The following GAS7 variants were observed in gnomAD, a reference collection of about 807,000 sequenced individuals.
GAS7 encodes growth arrest specific 7, also known as growth arrest-specific protein 7.
In GAS7, 28 loss-of-function variants were observed where a neutral mutation model predicts 71.1. That is an observed-to-expected ratio of 0.39 (90% CI 0.29 to 0.54). The LOEUF is 0.54. Among genes scored for constraint, GAS7 ranks in the 20% least tolerant of loss-of-function variants. GAS7 has a pLI of 0.62. For synonymous variants in GAS7, 258 were observed against 245.8 expected, an observed-to-expected ratio of 1.05 and a Z score of -0.46; for missense variants, 436 against 627.8, an observed-to-expected ratio of 0.69 and a Z score of 3.27.
intron 1 of GAS7, among the ~76,000 whole-genome samples, chr17:10,097,549 A>G (rs2152259361): frequency 6.6e-6 from 1 of 152,326 alleles, no homozygotes; most frequent in South Asian, 2.1e-4. Flanking sequence ...GCAGGGCACA[A>G]GCACAAAGCC....
intron 2 of GAS7, among the ~76,000 whole-genome samples, chr17:9,982,853 GAAAGAAAGAAAGAAAGC>G (rs2070476773): frequency 1.3e-5 from 2 of 150,022 alleles, no homozygotes; most frequent in Non-Finnish European, 3.0e-5. Context: ...AAGAAAGAAA[GAAAGAAAGAAAGAAAGC>G]AAAGAAAGCA....
rs564932578 is a variant in GAS7 at position 10,005,328 on chromosome 17, TAC to T, written c.304+14447_304+14448del. ...ACATATATACACACACATATATATA[TAC>T]ACACACACACACACACATATATATA... is the stretch of plus-strand genomic sequence containing the variant. On this transcript the variant is annotated intron_variant, in intron 2 of 13. Transcript: ENST00000432992. 2.9e-4 allele frequency among the ~76,000 whole-genome samples: 44 copies of T among 149,272 alleles called. 1 individual carries two copies. Among genetic ancestry groups the T allele is most frequent in the Admixed American group, 9.3e-4 (14 of 14,996 alleles).
At position 10,026,038 on chromosome 17, in the gene GAS7, TC is replaced by T. The variant is rs138827190; in HGVS notation, c.184-6142del. 0.14 allele frequency: 42,482 copies of T among 306,250 alleles called. 3,096 individuals carry two copies. The highest frequency in any genetic ancestry group is 0.2 in the African/African-American group (8,801 of 44,340). The allele number at this position is 306,250 out of a possible 1,614,324, so 19.0% of individuals were successfully genotyped here. A position where few individuals can be genotyped will look rare whatever the true frequency, so the allele number is the denominator to read the frequency against. ...CTCCAGGCAGTACAGACCCTGCTAC[TC>T]CGCTCCCTACCGCTCCCACCATGCT... On this transcript the variant is annotated intron_variant, in intron 1 of 13. Coordinates refer to ENST00000432992, the MANE Select transcript of GAS7 (RefSeq NM_201433.2). The surrounding 1 kb of genome is among the most constrained non-coding windows in gnomAD (Gnocchi z 4.5).
chr17:9,987,825 C>T (rs1007964673), intron 2 of GAS7, among the ~76,000 whole-genome samples: 1 of 152,242 alleles, frequency 6.6e-6, no homozygotes, highest in African/African-American at 2.4e-5. Flanking sequence ...GTTAAGGCTG[C>T]ATCCTGCCTG....
At position 10,028,032 on chromosome 17, in the gene GAS7, C is replaced by T. The variant is rs1324761185; in HGVS notation, c.184-8135G>A. The stretch of plus-strand genomic sequence containing the variant: ...CCAAGTAGCTGGGATTACAGGCATG[C>T]ACCACCACACCCAGCTAATTTTTGT... On this transcript the variant is annotated intron_variant, in intron 1 of 13. Transcript: ENST00000432992. Among the ~76,000 whole-genome samples the T allele has an allele frequency of 3.3e-5, 5 of 152,238 alleles. No individual in the cohort carries two copies. In the East Asian group the frequency reaches 9.7e-4, roughly 29 times the overall value.
At chr17:10,123,348 G>T (rs370797105) in intron 1 of GAS7, among the ~76,000 whole-genome samples, 6 of 152,334 alleles carry the variant, frequency 3.9e-5, no homozygotes, top group East Asian at 3.9e-4. Flanking sequence ...GTTCCCAAGA[G>T]ATGCTGGTTC....
At chr17:10,096,040 C>T (rs1415639310) in intron 1 of GAS7, among the ~76,000 whole-genome samples, 1 of 152,118 alleles carries the variant, frequency 6.6e-6, no homozygotes, top group South Asian at 2.1e-4. Flanking sequence ...CCACAGCATT[C>T]TCTTGCCAGG....
At chr17:9,923,558 C>T (rs1343899029) in intron 11 of GAS7, among the ~76,000 whole-genome samples, 4 of 152,202 alleles carry the variant, frequency 2.6e-5, no homozygotes, top group African/African-American at 9.7e-5. Flanking sequence ...GTATATTTTA[C>T]ATACTCAACC....
At chr17:10,059,229 C>G (rs1337995673) in intron 1 of GAS7, among the ~76,000 whole-genome samples, 1 of 152,186 alleles carries the variant, frequency 6.6e-6, no homozygotes, top group African/African-American at 2.4e-5. Flanking sequence ...TGCTGGTTCC[C>G]AAGGGCCTTT....
At chr17:10,082,081 C>T (rs56111579) in intron 1 of GAS7, among the ~76,000 whole-genome samples, 4,227 of 151,886 alleles carry the variant, frequency 0.028, 197 homozygotes, top group African/African-American at 0.093. Context: ...TGCACCAACA[C>T]GAAAAAAACT....
chr17:10,085,398 T>C (rs942368428), intron 1 of GAS7, among the ~76,000 whole-genome samples: 1 of 151,960 alleles, frequency 6.6e-6, no homozygotes, highest in East Asian at 1.9e-4. Context: ...AGAGGAACCA[T>C]ACCAGCCGGG....
At chr17:9,997,238 C>A (rs1183481241) in intron 2 of GAS7, among the ~76,000 whole-genome samples, 1 of 14,038 alleles carries the variant, frequency 7.1e-5, no homozygotes, top group East Asian at 1.3e-3. Flanking sequence ...TTTAAAGGGG[C>A]CGGGCGGGTG....
rs1201371143 is a variant in GAS7 at position 9,912,118 on chromosome 17, A to G, written c.*5110T>C. On this transcript the variant is annotated 3_prime_UTR_variant, in exon 14 of 14. Transcript: ENST00000432992. ...GACGAATGAGATCCAAACGGTCATT[A>G]CTTGCACTGTCTTTGGGGGGTCCTA... The G allele has an allele frequency of 8.6e-6, 2 of 232,104 alleles. No homozygotes were observed. The highest frequency in any genetic ancestry group is 1.7e-5 in the Non-Finnish European group (2 of 117,384). The allele number at this position is 232,104 out of a possible 1,614,324, so 14.4% of individuals were successfully genotyped here. A position where few individuals can be genotyped will look rare whatever the true frequency, so the allele number is the denominator to read the frequency against.
In GAS7 at chr17:9,965,771, C is replaced by T. The variant is rs1055115407; in HGVS notation, c.471+3906G>A. Among the ~76,000 whole-genome samples the T allele has an allele frequency of 3.9e-5, 6 of 152,286 alleles. No individual in the cohort carries two copies. The East Asian group carries it at 9.7e-4, about 25-fold the overall frequency. ...TTACCCAGTACCTGGGCCGACTGCC[C>T]CAGGGCTGCAGAATTGAAACCCTCC... On this transcript the variant is annotated intron_variant, in intron 4 of 13. Coordinates refer to ENST00000432992, the MANE Select transcript of GAS7 (RefSeq NM_201433.2).
chr17:10,196,625 A>C (rs1381929558), intron 1 of GAS7, among the ~76,000 whole-genome samples: 1 of 152,004 alleles, frequency 6.6e-6, no homozygotes, highest in African/African-American at 2.4e-5. Flanking sequence ...ACTAACACCT[A>C]CCCAGCCTCA....
intron 1 of GAS7, among the ~76,000 whole-genome samples, chr17:10,125,110 TC>T (rs2073934643): frequency 6.7e-6 from 1 of 149,882 alleles, no homozygotes; most frequent in Admixed American, 6.7e-5. Flanking sequence ...TCAGTGTCCA[TC>T]ATAAGGGGAT....
intron 1 of GAS7, among the ~76,000 whole-genome samples, chr17:10,082,458 A>G (rs1259683009): frequency 6.6e-6 from 1 of 152,232 alleles, no homozygotes; most frequent in Non-Finnish European, 1.5e-5. Flanking sequence ...CACCATGGGA[A>G]ACTACATCAT....
intron 1 of GAS7, among the ~76,000 whole-genome samples, chr17:10,066,272 C>A (rs1597768898): frequency 6.6e-6 from 1 of 152,182 alleles, no homozygotes; most frequent in East Asian, 1.9e-4. Context: ...CCTCCGCCTC[C>A]CGGGTTCAAG....
intron 5 of GAS7, among the ~76,000 whole-genome samples, chr17:9,956,904 C>A (rs914693102): frequency 6.6e-6 from 1 of 152,194 alleles, no homozygotes; most frequent in African/African-American, 2.4e-5. Context: ...ACCATGAACT[C>A]TGGAGGATCA....
Sources: gnomAD v4.1 joint callset for allele counts (sites outside exome capture counted in the v4.1 genomes callset) on GRCh38, gnomAD v4.1.1 for gene constraint, Gnocchi (gnomAD v3.1) non-coding constraint, MANE v1.5 for transcripts, NCBI Gene and HGNC (gene_info 2026-07-23, HGNC 2026-07-21) for gene names.